The following COX15 variants were observed in gnomAD, a reference collection of about 807,000 sequenced individuals.
COX15 encodes the protein cytochrome c oxidase assembly factor COX15.
In COX15, 51 loss-of-function variants were observed where a neutral mutation model predicts 51.9. That is an observed-to-expected ratio of 0.98 (90% CI 0.78 to 1.24). COX15 has a LOEUF of 1.24. Among genes scored for constraint, COX15 ranks in the 50% most tolerant of loss-of-function variants. COX15 has a pLI of 0.00. For synonymous variants in COX15, 188 were observed against 190.5 expected (o/e 0.99, Z 0.11); for missense variants, 420 against 501.1 (o/e 0.84, Z 1.55).
chr10:99,698,929 G>T, the COX15 span: 1 of 1,428,794 alleles, frequency 7.0e-7, no homozygotes, highest in Non-Finnish European at 9.5e-7. Flanking sequence ...TCTGTGCCAG[G>T]TGCTGTGCAA....
At chr10:99,704,865 ATAATT>A in the COX15 span, 1 of 627,724 alleles carries the variant, frequency 1.6e-6, no homozygotes, top group Non-Finnish European at 2.8e-6. Context: ...GAGAGAAGCT[ATAATT>A]TAATCTGTGA....
the COX15 span, among the ~76,000 whole-genome samples, chr10:99,703,535 C>A: frequency 6.6e-6 from 1 of 152,188 alleles, no homozygotes; most frequent in Non-Finnish European, 1.5e-5. Flanking sequence ...AAGAACACTG[C>A]AGGTCAAACC....
rs377262444 is a variant in COX15, at chr10:99,732,094, G to C, written c.-45C>G. The C allele has an allele frequency of 1.3e-6, 2 of 1,593,576 alleles. No homozygotes were observed. Among genetic ancestry groups the C allele is most frequent in the African/African-American group, 1.3e-5 (1 of 74,560 alleles). On this transcript the variant is annotated 5_prime_UTR_variant, in exon 1 of 9. Transcript: ENST00000016171. ...CACCTCTTCCACAACCCAGGGCTCTGTGGTCTCCCTCCTCCGCCAAGGAAA... is the reference window on the plus strand; with the variant it reads ...CACCTCTTCCACAACCCAGGGCTCTCTGGTCTCCCTCCTCCGCCAAGGAAA...
chr10:99,713,828 G>T lies in COX15; in HGVS notation c.*759C>A. ...CTACTAAAAATACAAAATTAGCCAG[G>T]CATGGTGACTTGTGCCTGTAGTCCC... On this transcript the variant is annotated 3_prime_UTR_variant, in exon 9 of 9. Coordinates refer to ENST00000016171, the MANE Select transcript of COX15 (RefSeq NM_078470.6). 1 of 387,830 alleles carries T rather than the reference G, an allele frequency of 2.6e-6. No homozygotes were observed. The highest frequency in any genetic ancestry group is 4.2e-6 in the Non-Finnish European group (1 of 236,428). The allele number at this position is 387,830 out of a possible 1,614,324, so 24.0% of individuals were successfully genotyped here.
downstream of COX15, chr10:99,710,476 G>C (rs2036346487): frequency 1.0e-6 from 1 of 985,392 alleles, no homozygotes; most frequent in Non-Finnish European, 1.2e-6. Flanking sequence ...AAGGCTGCCT[G>C]TATTACATTG....
At chr10:99,714,820 A>T in intron 8 of COX15, 102 bp from the exon 9 acceptor site, 1 of 1,585,772 alleles carries the variant, frequency 6.3e-7, no homozygotes, top group Non-Finnish European at 8.6e-7. Context: ...ACATCCTCCT[A>T]TCAGAGCACT....
At chr10:99,696,037 G>GT in the COX15 span, 2 of 1,614,206 alleles carry the variant, frequency 1.2e-6, no homozygotes, top group South Asian at 2.2e-5. Flanking sequence ...CAGGGTTTAT[G>GT]TCACAACTTT....
Position 99,712,550 on chromosome 10 carries a change from T to C in COX15, c.*2037A>G. 1 of 985,022 alleles carries C rather than the reference T, an allele frequency of 1.0e-6. No homozygotes were observed. The highest frequency in any genetic ancestry group is 6.1e-5 in the Admixed American group (1 of 16,292). The allele number at this position is 985,022 out of a possible 1,614,324, so 61.0% of individuals were successfully genotyped here. ...AAGGATGAAATCCAGATGTTCTTCC[T>C]TTGTATTTGTATTGTCACTGTATGG... On this transcript the variant is annotated 3_prime_UTR_variant, in exon 9 of 9. Transcript: ENST00000016171.
chr10:99,697,082 G>T, the COX15 span, among the ~76,000 whole-genome samples: 2 of 152,190 alleles, frequency 1.3e-5, no homozygotes, highest in African/African-American at 4.8e-5. Context: ...TTTATCCACA[G>T]CAATCAATTA....
chr10:99,726,975 C>G lies in COX15; in HGVS notation c.575G>C (p.Cys192Ser), dbSNP rs1176006577. 1.2e-6 allele frequency: 2 copies of G among 1,613,358 alleles called. No individual in the cohort carries two copies. Among genetic ancestry groups the G allele is most frequent in the Non-Finnish European group, 1.7e-6 (2 of 1,179,908 alleles). ...ACCTTGAATAAATCTTACCTGGAAGCAGACGAGGCCACAGAGGGCAAGAAC... is the reference window on the plus strand; with the variant it reads ...ACCTTGAATAAATCTTACCTGGAAGGAGACGAGGCCACAGAGGGCAAGAAC... ...GRVLALCGLV[C>S]FQGLLGWYMV... is the part of the protein sequence containing the mutation. Residue 192 changes from cysteine (C) to serine (S), a missense_variant, in exon 4 of 9, where the codon TGC (cysteine) becomes TCC (serine). By Grantham distance (112) the Cys-to-Ser change is moderately radical. Coordinates refer to ENST00000016171, the MANE Select transcript of COX15 (RefSeq NM_078470.6).
the COX15 span, chr10:99,704,719 G>C: frequency 6.4e-7 from 1 of 1,566,696 alleles, no homozygotes; most frequent in Non-Finnish European, 8.7e-7. Context: ...GAGCACCCCC[G>C]AGTTGCTGCT....
intron 7 of COX15, among the ~76,000 whole-genome samples, chr10:99,717,586 G>A (rs889200545): frequency 2.0e-5 from 3 of 151,920 alleles, no homozygotes; most frequent in African/African-American, 2.4e-5. Flanking sequence ...ATGCAGTAAC[G>A]TGATCACAGC....
At chr10:99,710,415 G>A (rs1246732089), downstream of COX15, 28 of 985,106 alleles carry the variant, frequency 2.8e-5, no homozygotes, top group South Asian at 9.4e-5. Context: ...TGGCCTCTGC[G>A]GAGTGTAGTG....
chr10:99,724,801 TA>T (rs978069976), intron 4 of COX15, among the ~76,000 whole-genome samples: 118 of 151,614 alleles, frequency 7.8e-4, no homozygotes, highest in African/African-American at 2.7e-3. Context: ...AGAAACTTAA[TA>T]AAGGTAAATG....
chr10:99,696,068 T>G, the COX15 span: 1 of 1,614,196 alleles, frequency 6.2e-7, no homozygotes, highest in Non-Finnish European at 8.5e-7. Context: ...GGAGGCAACT[T>G]TGCCCGGCAG....
chr10:99,703,254 C>A, the COX15 span, among the ~76,000 whole-genome samples: 20 of 152,142 alleles, frequency 1.3e-4, no homozygotes, highest in South Asian at 2.5e-3. Flanking sequence ...GGTACCTGTA[C>A]CCTGGACTAT....
intron 4 of COX15, among the ~76,000 whole-genome samples, chr10:99,724,716 AAC>A (rs1439463655): frequency 6.6e-6 from 1 of 151,970 alleles, no homozygotes; most frequent in Non-Finnish European, 1.5e-5. Flanking sequence ...CACTAACACT[AAC>A]AGTAGCTGAT....
intron 8 of COX15, 21 bp from the exon 9 acceptor site, chr10:99,714,739 C>T (rs941016633): frequency 6.2e-7 from 1 of 1,611,922 alleles, no homozygotes; most frequent in African/African-American, 1.3e-5. Context: ...GGAAAGAAGG[C>T]AATAGGAAAG....
At chr10:99,698,303 A>G in the COX15 span, among the ~76,000 whole-genome samples, 2 of 152,224 alleles carry the variant, frequency 1.3e-5, no homozygotes, top group Non-Finnish European at 2.9e-5. Flanking sequence ...GGAAATACAC[A>G]TGTTGACTAA....
Sources: gnomAD v4.1 joint callset for allele counts (sites outside exome capture counted in the v4.1 genomes callset) on GRCh38, gnomAD v4.1.1 for gene constraint, MANE v1.5 for transcripts, NCBI Gene and HGNC (gene_info 2026-07-23, HGNC 2026-07-21) for gene names.